TRPC4: variants seen among roughly 807,000 people sequenced by gnomAD.
TRPC4 encodes transient receptor potential cation channel subfamily C member 4, also known as short transient receptor potential channel 4.
Under a neutral mutation model 99.4 loss-of-function variants are expected in TRPC4, and 49 were observed. The ratio of observed to expected loss-of-function variants is 0.49; its 90% confidence interval spans 0.39 to 0.63. The LOEUF (loss-of-function observed/expected upper bound fraction) is 0.63, where lower values mean the gene tolerates loss of function less well. TRPC4 is among the 20% of genes least tolerant of loss of function. The pLI is 0.00. For synonymous variants in TRPC4, 454 were observed against 425.9 expected, an observed-to-expected ratio of 1.07 and a Z score of -0.81; for missense variants, 898 against 1,152.9, an observed-to-expected ratio of 0.78 and a Z score of 3.20.
At chr13:37,686,862 T>G (rs1253806121) in intron 4 of TRPC4, among the ~76,000 whole-genome samples, 1 of 152,204 alleles carries the variant, frequency 6.6e-6, no homozygotes, top group Non-Finnish European at 1.5e-5. Flanking sequence ...TGGGGCATGC[T>G]CACAATGTCA....
intron 3 of TRPC4, among the ~76,000 whole-genome samples, chr13:37,698,174 T>TTTTTTTTTTTTTTTTTTTTTTTTTTTC: frequency 7.6e-6 from 1 of 132,126 alleles, no homozygotes; most frequent in Non-Finnish European, 1.6e-5. Context: ...AACCTTTTTT[T>TTTTTTTTTTTTTTTTTTTTTTTTTTTC]TTTTGAGTGG....
At chr13:37,805,605 T>A (rs1385732186) in intron 1 of TRPC4, among the ~76,000 whole-genome samples, 1 of 152,052 alleles carries the variant, frequency 6.6e-6, no homozygotes, top group Non-Finnish European at 1.5e-5. Context: ...GAGGTTTTCT[T>A]CTTTTGTAGG....
intron 2 of TRPC4, among the ~76,000 whole-genome samples, chr13:37,752,061 G>T (rs1955944315): frequency 2.4e-5 from 1 of 42,004 alleles, no homozygotes; most frequent in Non-Finnish European, 5.4e-5. Context: ...ACCAAAACCT[G>T]ATAAAGCAGA....
chr13:37,643,432 G>A (rs1951783444), intron 8 of TRPC4, among the ~76,000 whole-genome samples: 1 of 152,156 alleles, frequency 6.6e-6, no homozygotes, highest in Admixed American at 6.5e-5. Flanking sequence ...TTTGAGTACA[G>A]GGGAGAAGGA....
chr13:37,859,173 A>ACTGATTTATTTATTCATTTTGTATATT (rs1959201976), intron 1 of TRPC4, among the ~76,000 whole-genome samples: 1 of 151,624 alleles, frequency 6.6e-6, no homozygotes, highest in Non-Finnish European at 1.5e-5. Context: ...AGAGCTGTAA[A>ACTGATTTATTTATTCATTTTGTATATT]TAAAATATAC....
chr13:37,775,549 C>T (rs1316964576), intron 2 of TRPC4, among the ~76,000 whole-genome samples: 2 of 151,386 alleles, frequency 1.3e-5, no homozygotes, highest in African/African-American at 2.4e-5. Context: ...AAAGTCAAGG[C>T]TCAAAGGACT....
chr13:37,638,751 C>A (rs138391818), intron 10 of TRPC4, among the ~76,000 whole-genome samples: 14 of 152,276 alleles, frequency 9.2e-5, no homozygotes, highest in African/African-American at 3.4e-4. Context: ...ATTTAAAAAT[C>A]AGGCTGAAAT....
chr13:37,655,360 C>A, intron 6 of TRPC4, 77 bp from the exon 7 acceptor site: 6 of 562,026 alleles, frequency 1.1e-5, no homozygotes, highest in African/African-American at 3.0e-5. Context: ...TAAAGCTTGG[C>A]ATGATTATAT....
chr13:37,843,816 C>A (rs1170239102), intron 1 of TRPC4, among the ~76,000 whole-genome samples: 1 of 152,148 alleles, frequency 6.6e-6, no homozygotes, highest in African/African-American at 2.4e-5. Flanking sequence ...CAGCAACTAT[C>A]CGCAGGCAAG....
intron 2 of TRPC4, among the ~76,000 whole-genome samples, chr13:37,771,558 A>AGT (rs34539317): frequency 0.12 from 17,919 of 147,394 alleles, 1,135 homozygotes; most frequent in Middle Eastern, 0.18. Flanking sequence ...AGTGTGCATG[A>AGT]GTGTGTGTGT....
intron 2 of TRPC4, among the ~76,000 whole-genome samples, chr13:37,754,285 GTGAAGAGGACA>G (rs1956038066): frequency 6.6e-6 from 1 of 152,034 alleles, no homozygotes; most frequent in Non-Finnish European, 1.5e-5. Context: ...ATTGTTACAA[GTGAAGAGGACA>G]TTTTCCTAAC....
At chr13:37,679,659 C>G (rs1275906285) in intron 4 of TRPC4, among the ~76,000 whole-genome samples, 1 of 152,106 alleles carries the variant, frequency 6.6e-6, no homozygotes, top group Non-Finnish European at 1.5e-5. Context: ...TTAAAGTTGG[C>G]TGTAGACAAC....
intron 4 of TRPC4, among the ~76,000 whole-genome samples, chr13:37,678,702 A>G (rs898835265): frequency 1.3e-5 from 2 of 152,104 alleles, no homozygotes; most frequent in Non-Finnish European, 2.9e-5. Flanking sequence ...ACTAGTGCTA[A>G]TCACACTCTT....
rs990169238 is a variant in TRPC4 at position 37,718,067 on chromosome 13, C to T, written c.898-25732G>A. Among the ~76,000 whole-genome samples the T allele has an allele frequency of 2.6e-5, 4 of 151,714 alleles. No individual in the cohort carries two copies. In the South Asian group the frequency reaches 6.2e-4, roughly 24 times the overall value. On this transcript the variant is annotated intron_variant, in intron 3 of 10. Transcript: ENST00000379705. ...CTCTGAAAATATGAATAATAATGGC[C>T]TACAAAAATATATGACAGTATTCAG...
intron 2 of TRPC4, among the ~76,000 whole-genome samples, chr13:37,780,030 G>A (rs953108469): frequency 6.6e-6 from 1 of 151,722 alleles, no homozygotes; most frequent in Non-Finnish European, 1.5e-5. Flanking sequence ...ATTCACAATC[G>A]GACCTTAGGA....
intron 6 of TRPC4, 131 bp downstream of exon 6, chr13:37,663,285 T>C (rs1952514752): frequency 2.6e-6 from 2 of 778,252 alleles, no homozygotes; most frequent in South Asian, 5.1e-5. Flanking sequence ...GTTAATTCTG[T>C]TTTCTGCATT....
chr13:37,748,601 T>C (rs138415927), intron 2 of TRPC4, among the ~76,000 whole-genome samples: 1,565 of 149,950 alleles, frequency 0.01, 24 homozygotes, highest in African/African-American at 0.035. Context: ...AACCATTGCA[T>C]TGGTTTGTTG....
At chr13:37,849,798 T>C (rs1959008783) in intron 1 of TRPC4, among the ~76,000 whole-genome samples, 1 of 152,234 alleles carries the variant, frequency 6.6e-6, no homozygotes, top group South Asian at 2.1e-4. Flanking sequence ...GAGCCAATCA[T>C]GGTCATCGGT....
intron 2 of TRPC4, among the ~76,000 whole-genome samples, chr13:37,750,173 C>T (rs1338245612): frequency 6.6e-6 from 1 of 152,006 alleles, no homozygotes; most frequent in Non-Finnish European, 1.5e-5. Flanking sequence ...AAAACTGTTG[C>T]TTCAATTCTG....
Sources: allele counts gnomAD v4.1 joint callset (sites outside exome capture counted in the v4.1 genomes callset), GRCh38; gene constraint gnomAD v4.1.1; transcripts MANE v1.5; gene names NCBI Gene and HGNC (gene_info 2026-07-23, HGNC 2026-07-21).